Variants in C1orf94 observed in about 807,000 individuals in gnomAD.
C1orf94 encodes chromosome 1 open reading frame 94, also known as uncharacterized protein C1orf94.
Under a neutral mutation model 53.6 loss-of-function variants are expected in C1orf94, and 45 were observed. That is an observed-to-expected ratio of 0.84 (90% CI 0.66 to 1.08). The LOEUF (loss-of-function observed/expected upper bound fraction) is 1.08. Among genes scored for constraint, C1orf94 ranks in the 50% least tolerant of loss-of-function variants. The pLI, the probability that C1orf94 is intolerant of heterozygous loss-of-function variation, is 0.00. For missense variants in C1orf94, 762 were observed against 738.9 expected, an observed-to-expected ratio of 1.03 and a Z score of -0.36; for synonymous variants, 304 against 296.1, an observed-to-expected ratio of 1.03 and a Z score of -0.27.
upstream of C1orf94, among the ~76,000 whole-genome samples, chr1:34,175,083 A>G (rs928994784): frequency 3.3e-5 from 5 of 152,230 alleles, no homozygotes; most frequent in Middle Eastern, 3.4e-3. Flanking sequence ...ATAGCTTTAT[A>G]CTATTTCTAA....
At chr1:34,216,523 T>A (rs967511146) in intron 6 of C1orf94, among the ~76,000 whole-genome samples, 2 of 152,068 alleles carry the variant, frequency 1.3e-5, no homozygotes, top group Admixed American at 1.3e-4. Context: ...AAGGTGAGGC[T>A]GCACCTGGCT....
chr1:34,204,142 C>T (rs1286353914), intron 4 of C1orf94, among the ~76,000 whole-genome samples: 1 of 152,174 alleles, frequency 6.6e-6, no homozygotes, highest in Non-Finnish European at 1.5e-5. Flanking sequence ...GTCCCTTCCC[C>T]GCTCTCCACT....
intron 1 of C1orf94, among the ~76,000 whole-genome samples, chr1:34,195,852 G>A (rs930048801): frequency 2.0e-5 from 3 of 151,916 alleles, no homozygotes; most frequent in Non-Finnish European, 2.9e-5. Flanking sequence ...CATGGACCCT[G>A]CTGGAAGCAT....
At position 34,197,759 on chromosome 1, in the gene C1orf94, G is replaced by A. The variant is rs1017953867; in HGVS notation, c.855G>A (p.Gly285=). 6 of 1,614,052 alleles carry A rather than the reference G, an allele frequency of 3.7e-6. No homozygotes were observed. In the African/African-American group the frequency reaches 6.7e-5, roughly 18 times the overall value. ...FSGPGPKEPT[G]LSPFLLLPPR... is the part of the protein sequence containing the mutation. The stretch of plus-strand genomic sequence containing the variant: ...GCCCTGGACCCAAGGAGCCCACAGG[G>A]CTGAGCCCATTTCTGCTGCTGCCTC... The change falls in exon 2 of 7, where the codon GGG becomes GGA. Residue 285 remains glycine (G), a synonymous_variant. Transcript: ENST00000488417. The surrounding 1 kb of genome is among the most constrained non-coding windows in gnomAD (Gnocchi z 4.1).
At chr1:34,192,127 G>A (rs1009007998) in intron 1 of C1orf94, among the ~76,000 whole-genome samples, 2 of 152,192 alleles carry the variant, frequency 1.3e-5, no homozygotes, top group African/African-American at 4.8e-5. Context: ...CAAAGAGAAA[G>A]CGAATAGCAC....
intron 6 of C1orf94, among the ~76,000 whole-genome samples, chr1:34,213,462 G>A (rs1642929373): frequency 6.6e-6 from 1 of 152,064 alleles, no homozygotes; most frequent in Non-Finnish European, 1.5e-5. Context: ...AATTTCCTAG[G>A]GTGCACGGAG....
intron 5 of C1orf94, among the ~76,000 whole-genome samples, chr1:34,211,648 A>G (rs920875310): frequency 1.3e-5 from 2 of 152,148 alleles, no homozygotes; most frequent in Non-Finnish European, 2.9e-5. Context: ...CAAATGCTCA[A>G]TTGTCGTGTG....
chr1:34,171,796 A>G (rs537412880), intron 1 of C1orf94, among the ~76,000 whole-genome samples: 1 of 152,236 alleles, frequency 6.6e-6, no homozygotes, highest in Non-Finnish European at 1.5e-5. Flanking sequence ...TTCTGCTGTC[A>G]GAAAACAAAA....
intron 5 of C1orf94, among the ~76,000 whole-genome samples, chr1:34,210,918 G>T (rs1642878403): frequency 6.6e-6 from 1 of 152,034 alleles, no homozygotes. Context: ...CTCCCAAAGT[G>T]CTCGGTTACA....
At chr1:34,200,633 C>A in intron 2 of C1orf94, 139 bp from the exon 3 acceptor site, 2 of 1,180,046 alleles carry the variant, frequency 1.7e-6, no homozygotes, top group Non-Finnish European at 2.4e-6. Context: ...TTGTATTTGG[C>A]TGAAAGAGAG....
At chr1:34,200,023 T>C (rs548663988) in intron 2 of C1orf94, among the ~76,000 whole-genome samples, 6 of 152,350 alleles carry the variant, frequency 3.9e-5, no homozygotes, top group African/African-American at 1.2e-4. Context: ...CCTGGGGCTA[T>C]TTCTGGGCAT....
intron 1 of C1orf94, among the ~76,000 whole-genome samples, chr1:34,169,686 G>T (rs778884216): frequency 6.6e-6 from 1 of 151,854 alleles, no homozygotes; most frequent in Non-Finnish European, 1.5e-5. Context: ...GAGGCCAAGG[G>T]GCAGGCAGGG....
At chr1:34,170,364 A>G (rs924901086) in intron 1 of C1orf94, among the ~76,000 whole-genome samples, 1 of 152,200 alleles carries the variant, frequency 6.6e-6, no homozygotes, top group Non-Finnish European at 1.5e-5. Context: ...GAAGAGATAT[A>G]GCATGTGATG....
chr1:34,178,989 A>ATT (rs1642273463), intron 1 of C1orf94, among the ~76,000 whole-genome samples: 4 of 152,248 alleles, frequency 2.6e-5, no homozygotes, highest in Non-Finnish European at 5.9e-5. Flanking sequence ...GAGCTAATTA[A>ATT]AGACTAACCG....
chr1:34,173,242 C>A (rs1423997993), upstream of C1orf94, among the ~76,000 whole-genome samples: 1 of 152,226 alleles, frequency 6.6e-6, no homozygotes, highest in East Asian at 1.9e-4. Context: ...ATAAATTACT[C>A]ATGGCCAAAA....
chr1:34,215,428 A>G (rs1020813437), intron 6 of C1orf94, among the ~76,000 whole-genome samples: 3 of 152,224 alleles, frequency 2.0e-5, no homozygotes. Context: ...TCTTCTATAT[A>G]AAACAGATCA....
chr1:34,215,432 C>T (rs373172291), intron 6 of C1orf94, among the ~76,000 whole-genome samples: 7 of 152,184 alleles, frequency 4.6e-5, no homozygotes, highest in African/African-American at 1.7e-4. Flanking sequence ...CTATATAAAA[C>T]AGATCACATT....
rs774895568 is a variant in C1orf94, at chr1:34,208,167, C to T, written c.1457C>T (p.Pro486Leu). The T allele has an allele frequency of 6.8e-6, 11 of 1,614,148 alleles. No homozygotes were observed. The Admixed American group carries it at 1.7e-4, about 24-fold the overall frequency. Residue 486 changes from proline (P) to leucine (L), a missense_variant, in exon 5 of 7, where the codon CCA becomes CTA. Coordinates refer to ENST00000488417, the MANE Select transcript of C1orf94 (RefSeq NM_001134734.2). Reference sequence around the variant, plus strand: ...TCTGTTTCTCCCCAGGGCCTGTACCCACAGCAGGCAGCGAGGATGCCCTAT... The same window carrying T: ...TCTGTTTCTCCCCAGGGCCTGTACCTACAGCAGGCAGCGAGGATGCCCTAT... ...STFLQYQGLY[P>L]QQAARMPYQQ...
chr1:34,194,927 A>G (rs2148616697), intron 1 of C1orf94, among the ~76,000 whole-genome samples: 1 of 152,216 alleles, frequency 6.6e-6, no homozygotes, highest in Non-Finnish European at 1.5e-5. Flanking sequence ...GTTCCTTTTG[A>G]GGTGGATGAA....
Sources: allele counts gnomAD v4.1 joint callset (sites outside exome capture counted in the v4.1 genomes callset), GRCh38; gene constraint gnomAD v4.1.1; non-coding constraint Gnocchi (gnomAD v3.1); transcripts MANE v1.5; gene names NCBI Gene and HGNC (gene_info 2026-07-23, HGNC 2026-07-21).